Variants in ANKRD12 observed in about 807,000 individuals in gnomAD.
The protein encoded by ANKRD12 is ankyrin repeat domain 12.
A neutral mutation model predicts 183.4 loss-of-function variants in ANKRD12; 85 were observed. The observed-to-expected ratio is 0.46, with a 90% CI of 0.39 to 0.56. The LOEUF (loss-of-function observed/expected upper bound fraction) is 0.56, where lower values mean the gene tolerates loss of function less well. Among genes scored for constraint, ANKRD12 ranks in the 20% least tolerant of loss-of-function variants. The pLI, the probability that ANKRD12 is intolerant of heterozygous loss-of-function variation, is 0.00. For synonymous variants in ANKRD12, 914 were observed against 800.2 expected, an observed-to-expected ratio of 1.14 and a Z score of -2.40; for missense variants, 2,405 against 2,357.1, an observed-to-expected ratio of 1.02 and a Z score of -0.42.
At position 9,284,904 on chromosome 18, in the gene ANKRD12, C is replaced by T. The variant is rs2040187735; in HGVS notation, c.*3778C>T. On this transcript the variant is annotated 3_prime_UTR_variant, in exon 13 of 13. Coordinates refer to ENST00000262126, the MANE Select transcript of ANKRD12 (RefSeq NM_015208.5). ...AGTTTTTTTGTACATGGACAGCGTCCTCATAAAAGAAAATAGGCCAGGCCA... is the reference window on the plus strand; with the variant it reads ...AGTTTTTTTGTACATGGACAGCGTCTTCATAAAAGAAAATAGGCCAGGCCA... 6.6e-6 allele frequency: 1 copy of T among 152,114 alleles called. No homozygotes were observed. The highest frequency in any genetic ancestry group is 2.1e-4 in the South Asian group (1 of 4,824). The allele number at this position is 152,114 out of a possible 1,614,324, so 9.4% of individuals were successfully genotyped here.
At position 9,169,226 on chromosome 18, in the gene ANKRD12, G is replaced by T. The variant is rs950111325; in HGVS notation, c.-51-13156G>T. Among the ~76,000 whole-genome samples, 6 of 152,250 alleles carry T rather than the reference G, an allele frequency of 3.9e-5. No individual in the cohort carries two copies. In the East Asian group the frequency reaches 1.2e-3, roughly 29 times the overall value. On this transcript the variant is annotated intron_variant, in intron 1 of 12. Coordinates refer to ENST00000262126, the MANE Select transcript of ANKRD12 (RefSeq NM_015208.5). ...GGTGGAGAGTTCTGTAGATGTCTAT[G>T]AGGTCCACTTGGTGCAGAGCTGAGT...
At chr18:9,138,895 G>A (rs2078220855) in intron 1 of ANKRD12, among the ~76,000 whole-genome samples, 1 of 152,152 alleles carries the variant, frequency 6.6e-6, no homozygotes, top group African/African-American at 2.4e-5. Flanking sequence ...AGCTCTACAG[G>A]CATCTTGGCT....
intron 2 of ANKRD12, 77 bp from the exon 3 acceptor site, chr18:9,195,474 A>T (rs1020643528): frequency 1.8e-6 from 2 of 1,103,156 alleles, no homozygotes; most frequent in Admixed American, 7.0e-5. Context: ...GTATGTTTGA[A>T]ATTTTCCTTA....
At chr18:9,277,321 C>CT (rs773999861) in intron 11 of ANKRD12, among the ~76,000 whole-genome samples, 7,398 of 84,624 alleles carry the variant, frequency 0.087, 559 homozygotes, top group African/African-American at 0.16. Flanking sequence ...CACCCTGTTT[C>CT]TTTTTTTTTT....
chr18:9,152,117 A>G (rs557476725), intron 1 of ANKRD12, among the ~76,000 whole-genome samples: 65 of 152,364 alleles, frequency 4.3e-4, no homozygotes, highest in African/African-American at 1.5e-3. Context: ...AATCTAAAGT[A>G]CATGTTTTAG....
At chr18:9,270,908 G>C (rs116715131) in intron 10 of ANKRD12, among the ~76,000 whole-genome samples, 409 of 152,272 alleles carry the variant, frequency 2.7e-3, no homozygotes, top group African/African-American at 9.2e-3. Context: ...ACTGATACGA[G>C]AACAAACAAC....
intron 9 of ANKRD12, among the ~76,000 whole-genome samples, chr18:9,263,062 C>T (rs577609769): frequency 6.6e-6 from 1 of 152,104 alleles, no homozygotes; most frequent in South Asian, 2.1e-4. Flanking sequence ...TCCCAAAGTG[C>T]TGGGATTACA....
At chr18:9,271,064 C>A (rs1463294044) in intron 10 of ANKRD12, among the ~76,000 whole-genome samples, 1 of 152,144 alleles carries the variant, frequency 6.6e-6, no homozygotes, top group African/African-American at 2.4e-5. Flanking sequence ...GCAGATCTCA[C>A]AACTGCAGGG....
intron 1 of ANKRD12, among the ~76,000 whole-genome samples, chr18:9,173,799 C>T (rs2032991767): frequency 6.6e-6 from 1 of 152,278 alleles, no homozygotes; most frequent in African/African-American, 2.4e-5. Flanking sequence ...GGTAACCGTT[C>T]CTTGCCCAGA....
chr18:9,225,473 A>T (rs933354978), intron 8 of ANKRD12, among the ~76,000 whole-genome samples: 6 of 7,760 alleles, frequency 7.7e-4, no homozygotes, highest in South Asian at 7.1e-3. Flanking sequence ...GACTATCTTT[A>T]AAAAAAAAAA....
At chr18:9,262,795 T>C (rs1279338449) in intron 9 of ANKRD12, among the ~76,000 whole-genome samples, 1 of 118,246 alleles carries the variant, frequency 8.5e-6, no homozygotes, top group Non-Finnish European at 1.8e-5. Context: ...CCCTTTTTTT[T>C]TTTTTTTTTT....
At chr18:9,247,654 T>A (rs2038041366) in intron 8 of ANKRD12, among the ~76,000 whole-genome samples, 1 of 152,168 alleles carries the variant, frequency 6.6e-6, no homozygotes. Flanking sequence ...TCTTTTAATC[T>A]ATAGATATTC....
chr18:9,255,250 A>T lies in ANKRD12; in HGVS notation c.1983A>T (p.Glu661Asp), dbSNP rs1197302271. 1 of 1,569,782 alleles carries T rather than the reference A, an allele frequency of 6.4e-7. No individual in the cohort carries two copies. Among genetic ancestry groups the T allele is most frequent in the African/African-American group, 1.4e-5 (1 of 72,112 alleles). ...ATAAATTGAAGCATAAAGAGAGGGA[A>T]AAAGAAAAGCATAAAAAAGAAATTG... ...KKHKLKHKER[E>D]KEKHKKEIEG... is the part of the protein sequence containing the mutation. Residue 661 changes from glutamate to aspartate, a missense_variant, in exon 9 of 13, where the codon GAA (glutamate) becomes GAT (aspartate). By Grantham distance (45) the Glu-to-Asp change is conservative. Around this residue, in one of 7 missense-constraint regions of ANKRD12, gnomAD observed 1,983 missense variants for 1,725.9 expected, o/e 1.15. Transcript: ENST00000262126.
Position 9,281,019 on chromosome 18 carries a change from C to T in ANKRD12, c.6082C>T (p.Gln2028Ter). 6.2e-7 allele frequency: 1 copy of T among 1,614,096 alleles called. No homozygotes were observed. The highest frequency in any genetic ancestry group is 8.5e-7 in the Non-Finnish European group (1 of 1,180,000). Residue 2028 changes from glutamine (Q) to a stop codon, truncating the protein, a stop_gained, in exon 13 of 13, where the codon CAG (glutamine) becomes TAG (stop). Transcript: ENST00000262126. LOFTEE classifies it high-confidence loss of function. ...GAGGTTAGAATGGCAGCTCAAACTC[C>T]AGGAACTTGATCCTGCCACCTATAA... ...VQRLEWQLKLQELDPATYKSI... is the reference protein window; with the variant it reads ...VQRLEWQLKL
At chr18:9,159,209 G>C (rs1248676224) in intron 1 of ANKRD12, among the ~76,000 whole-genome samples, 2 of 152,020 alleles carry the variant, frequency 1.3e-5, no homozygotes, top group African/African-American at 2.4e-5. Flanking sequence ...CTCTCCAGCT[G>C]ACATAGTAAG....
Position 9,279,644 on chromosome 18 carries a change from G to T in ANKRD12, c.6003G>T (p.Lys2001Asn). 6.3e-7 allele frequency: 1 copy of T among 1,577,570 alleles called. No individual in the cohort carries two copies. The highest frequency in any genetic ancestry group is 1.2e-5 in the South Asian group (1 of 86,320). Residue 2001 changes from lysine to asparagine, a missense_variant and splice_region_variant, in exon 12 of 13, where the codon AAG (lysine) becomes AAT (asparagine). Lys to Asn is a moderately conservative substitution (Grantham distance 94, BLOSUM62 0). Coordinates refer to ENST00000262126, the MANE Select transcript of ANKRD12 (RefSeq NM_015208.5). ...QDVDDKFDKL[K>N]TCLLMRQQHE... The stretch of plus-strand genomic sequence containing the variant: ...TGGATGATAAATTTGACAAATTAAA[G>T]GTATGTATGTTTGGAAGTCAGTTTA...
At chr18:9,204,015 A>G (rs1436423371) in intron 3 of ANKRD12, among the ~76,000 whole-genome samples, 1 of 152,206 alleles carries the variant, frequency 6.6e-6, no homozygotes, top group Admixed American at 6.5e-5. Flanking sequence ...AAGTGTATAT[A>G]ATTTGTGGAA....
At chr18:9,143,400 C>G (rs1396739658) in intron 1 of ANKRD12, among the ~76,000 whole-genome samples, 1 of 152,166 alleles carries the variant, frequency 6.6e-6, no homozygotes, top group Non-Finnish European at 1.5e-5. Context: ...ATTGAGCCTT[C>G]AGAAATTACG....
chr18:9,268,767 G>A (rs1302669236), intron 10 of ANKRD12, among the ~76,000 whole-genome samples: 1 of 152,150 alleles, frequency 6.6e-6, no homozygotes, highest in Non-Finnish European at 1.5e-5. Flanking sequence ...GGAAGTTGTG[G>A]CCAGGGCAAT....
Sources: allele counts gnomAD v4.1 joint callset (sites outside exome capture counted in the v4.1 genomes callset), GRCh38; gene constraint gnomAD v4.1.1; regional missense constraint gnomAD v4.1.1; transcripts MANE v1.5; gene names NCBI Gene and HGNC (gene_info 2026-07-23, HGNC 2026-07-21).